The following SLC10A7 variants were observed in gnomAD, a reference collection of about 807,000 sequenced individuals.
SLC10A7 encodes the protein solute carrier family 10 member 7, also known as sodium/bile acid cotransporter 7.
SLC10A7 carries 29 observed loss-of-function variants against 43.2 expected under a neutral mutation model. That is an observed-to-expected ratio of 0.67 (90% CI 0.50 to 0.92). The LOEUF (loss-of-function observed/expected upper bound fraction) is 0.92. Ranked by LOEUF, SLC10A7 falls within the 40% of genes least tolerant of loss-of-function variation. The pLI, the probability that SLC10A7 is intolerant of heterozygous loss-of-function variation, is 0.00. For synonymous variants in SLC10A7, 152 were observed against 144.8 expected, an observed-to-expected ratio of 1.05 and a Z score of -0.35; for missense variants, 295 against 403.2, an observed-to-expected ratio of 0.73 and a Z score of 2.30.
intron 4 of SLC10A7, among the ~76,000 whole-genome samples, chr4:146,454,087 T>C (rs1221586222): frequency 6.6e-6 from 1 of 151,958 alleles, no homozygotes; most frequent in Non-Finnish European, 1.5e-5. Context: ...AACATTTTCC[T>C]AAAAACATAA....
chr4:146,344,538 C>T (rs1578938453), intron 5 of SLC10A7, among the ~76,000 whole-genome samples: 1 of 151,916 alleles, frequency 6.6e-6, no homozygotes, highest in Non-Finnish European at 1.5e-5. Context: ...GTAGTTTTCA[C>T]GGTGTGGCCT....
At chr4:146,519,196 CATA>C (rs1390624517) in intron 1 of SLC10A7, among the ~76,000 whole-genome samples, 1 of 128,458 alleles carries the variant, frequency 7.8e-6, no homozygotes, top group African/African-American at 3.0e-5. Flanking sequence ...ATATAATATA[CATA>C]ATATCTCAAG....
At chr4:146,274,646 T>C (rs1282682274) in intron 10 of SLC10A7, among the ~76,000 whole-genome samples, 1 of 152,164 alleles carries the variant, frequency 6.6e-6, no homozygotes, top group Non-Finnish European at 1.5e-5. Flanking sequence ...TTAGAAAAAC[T>C]GGAGCCAGGT....
chr4:146,267,135 C>T (rs998142315), intron 10 of SLC10A7, among the ~76,000 whole-genome samples: 7 of 151,988 alleles, frequency 4.6e-5, no homozygotes, highest in Admixed American at 1.3e-4. Context: ...GCAGCACTGT[C>T]GTATGAAAAA....
At chr4:146,471,702 A>C (rs1254270176) in intron 4 of SLC10A7, among the ~76,000 whole-genome samples, 1 of 152,212 alleles carries the variant, frequency 6.6e-6, no homozygotes, top group African/African-American at 2.4e-5. Context: ...CAAATTATTT[A>C]TATGCTTTAT....
intron 5 of SLC10A7, among the ~76,000 whole-genome samples, chr4:146,345,433 C>T (rs1322639323): frequency 6.6e-6 from 1 of 152,130 alleles, no homozygotes; most frequent in Non-Finnish European, 1.5e-5. Context: ...TCTGTATTAT[C>T]TGCTCCTGCC....
chr4:146,419,120 C>A (rs1427269246), intron 5 of SLC10A7, among the ~76,000 whole-genome samples: 1 of 152,188 alleles, frequency 6.6e-6, no homozygotes, highest in African/African-American at 2.4e-5. Context: ...GCGCTCTGAA[C>A]CCTGTCCTTT....
intron 4 of SLC10A7, among the ~76,000 whole-genome samples, chr4:146,487,459 T>C (rs1239316244): frequency 6.6e-6 from 1 of 152,232 alleles, no homozygotes; most frequent in Non-Finnish European, 1.5e-5. Flanking sequence ...AATTTGTTTT[T>C]AGCTAATAGT....
At chr4:146,283,047 C>A in intron 10 of SLC10A7, 145 bp downstream of exon 10, 1 of 581,008 alleles carries the variant, frequency 1.7e-6, no homozygotes, top group South Asian at 3.0e-5. Context: ...AAGCAATGAC[C>A]CACCCTCACT....
chr4:146,375,840 A>T (rs966307280), intron 5 of SLC10A7, among the ~76,000 whole-genome samples: 1 of 152,142 alleles, frequency 6.6e-6, no homozygotes. Context: ...TGGTGAAGAT[A>T]GTGTCGGATC....
intron 4 of SLC10A7, among the ~76,000 whole-genome samples, chr4:146,444,228 A>T (rs918308804): frequency 5.3e-5 from 8 of 152,172 alleles, no homozygotes; most frequent in Non-Finnish European, 8.8e-5. Flanking sequence ...TTCCTACAAA[A>T]AATGTACCTT....
intron 5 of SLC10A7, among the ~76,000 whole-genome samples, chr4:146,401,023 T>A (rs947624235): frequency 6.6e-6 from 1 of 151,958 alleles, no homozygotes; most frequent in Non-Finnish European, 1.5e-5. Flanking sequence ...AAGATATCAA[T>A]GAAAGAAAAG....
intron 10 of SLC10A7, among the ~76,000 whole-genome samples, chr4:146,280,372 C>T (rs1184528183): frequency 6.6e-6 from 1 of 152,078 alleles, no homozygotes; most frequent in African/African-American, 2.4e-5. Context: ...CTATGAAGTC[C>T]TCATACTCCT....
intron 3 of SLC10A7, among the ~76,000 whole-genome samples, chr4:146,505,229 C>G (rs1736789756): frequency 6.6e-6 from 1 of 152,154 alleles, no homozygotes; most frequent in Non-Finnish European, 1.5e-5. Flanking sequence ...CTTCATTAGC[C>G]TACTCAATGT....
chr4:146,441,565 T>G (rs1730605056), intron 5 of SLC10A7: 1 of 641,502 alleles, frequency 1.6e-6, no homozygotes, highest in African/African-American at 2.0e-5. Flanking sequence ...ACAGATATTA[T>G]TCTATTAAAC....
intron 7 of SLC10A7, among the ~76,000 whole-genome samples, chr4:146,301,003 A>G (rs970208022): frequency 1.3e-5 from 2 of 152,204 alleles, no homozygotes; most frequent in Non-Finnish European, 2.9e-5. Flanking sequence ...ATACCTATAA[A>G]TAGTAACCTA....
At chr4:146,264,911 G>A (rs1023336487) in intron 10 of SLC10A7, among the ~76,000 whole-genome samples, 3 of 151,972 alleles carry the variant, frequency 2.0e-5, no homozygotes, top group African/African-American at 7.3e-5. Flanking sequence ...ATAGCCTTCT[G>A]ACATAACTCC....
chr4:146,510,301 C>G (rs1737339621), intron 2 of SLC10A7, among the ~76,000 whole-genome samples: 1 of 150,960 alleles, frequency 6.6e-6, no homozygotes, highest in Non-Finnish European at 1.5e-5. Context: ...TGCTCGTCGC[C>G]CAGGCTGGAG....
chr4:146,451,231 C>CA (rs572993886), intron 4 of SLC10A7, among the ~76,000 whole-genome samples: 2,587 of 71,418 alleles, frequency 0.036, 101 homozygotes, highest in African/African-American at 0.089. Context: ...AGTCTCCCAC[C>CA]AAAAAAAAAA....
Sources: gnomAD v4.1 joint callset for allele counts (sites outside exome capture counted in the v4.1 genomes callset) on GRCh38, gnomAD v4.1.1 for gene constraint, MANE v1.5 for transcripts, NCBI Gene and HGNC (gene_info 2026-07-23, HGNC 2026-07-21) for gene names.